BMPR1B: variants seen among roughly 807,000 people sequenced by gnomAD.
BMPR1B encodes the protein bone morphogenetic protein receptor type 1B.
In BMPR1B, 12 loss-of-function variants were observed where a neutral mutation model predicts 59.1. That is an observed-to-expected ratio of 0.20 (90% CI 0.13 to 0.33). BMPR1B has a LOEUF of 0.33. Ranked by LOEUF, BMPR1B falls within the 10% of genes least tolerant of loss-of-function variation. The pLI, the probability that BMPR1B is intolerant of heterozygous loss-of-function variation, is 1.00. For missense variants in BMPR1B, 550 were observed against 610.9 expected (o/e 0.90, Z 1.05); for synonymous variants, 237 against 207.3 (o/e 1.14, Z -1.23).
chr4:95,051,211 T>C (rs1188728602), intron 3 of BMPR1B, among the ~76,000 whole-genome samples: 1 of 152,238 alleles, frequency 6.6e-6, no homozygotes, highest in Non-Finnish European at 1.5e-5. Context: ...GGCATTTCAC[T>C]AAGTAAAAAC....
intron 3 of BMPR1B, among the ~76,000 whole-genome samples, chr4:95,047,802 C>A (rs949113461): frequency 1.3e-5 from 2 of 152,054 alleles, no homozygotes; most frequent in East Asian, 3.9e-4. Flanking sequence ...AAAATAATTT[C>A]AACTTTTATT....
chr4:94,806,383 TTAAAC>T (rs1578665118), intron 1 of BMPR1B, among the ~76,000 whole-genome samples: 1 of 152,236 alleles, frequency 6.6e-6, no homozygotes, highest in Admixed American at 6.5e-5. Flanking sequence ...TAGCAGATTA[TTAAAC>T]TAAACAGTCT....
At chr4:95,107,768 G>A (rs13131684) in intron 4 of BMPR1B, among the ~76,000 whole-genome samples, 39,747 of 151,950 alleles carry the variant, frequency 0.26, 6,216 homozygotes, top group South Asian at 0.37. Context: ...TTGGCCAGCG[G>A]CCAGTTCTGA....
At chr4:94,761,453 GTGTGT>G (rs1255198884) in intron 1 of BMPR1B, among the ~76,000 whole-genome samples, 1 of 144,392 alleles carries the variant, frequency 6.9e-6, no homozygotes, top group Non-Finnish European at 1.6e-5. Flanking sequence ...GTGTGTGTGT[GTGTGT>G]GTGTTGAAGG....
chr4:94,874,409 C>T (rs1726633619), intron 1 of BMPR1B, among the ~76,000 whole-genome samples: 1 of 152,166 alleles, frequency 6.6e-6, no homozygotes, highest in Non-Finnish European at 1.5e-5. Context: ...TTGACTACCA[C>T]AGCCATACTG....
chr4:94,896,490 A>C (rs893336030), intron 2 of BMPR1B, among the ~76,000 whole-genome samples: 2 of 151,940 alleles, frequency 1.3e-5, no homozygotes, highest in African/African-American at 2.4e-5. Context: ...TTAATTATGT[A>C]ATTTCTTTGA....
At chr4:95,062,880 C>T (rs1048007720) in intron 3 of BMPR1B, among the ~76,000 whole-genome samples, 2 of 152,144 alleles carry the variant, frequency 1.3e-5, no homozygotes, top group African/African-American at 4.8e-5. Flanking sequence ...TCTTCAGTAA[C>T]TGTAAATACT....
intron 3 of BMPR1B, among the ~76,000 whole-genome samples, chr4:95,074,568 C>T (rs1728561769): frequency 6.6e-6 from 1 of 152,064 alleles, no homozygotes; most frequent in South Asian, 2.1e-4. Context: ...CCCCAAGGCC[C>T]TGTCCTACCA....
At chr4:95,034,200 A>G (rs1378846624) in intron 3 of BMPR1B, among the ~76,000 whole-genome samples, 2 of 152,300 alleles carry the variant, frequency 1.3e-5, no homozygotes, top group East Asian at 1.9e-4. Context: ...AGCTTAGCAT[A>G]TATACACACT....
chr4:94,856,498 A>G (rs1725760056), intron 1 of BMPR1B, among the ~76,000 whole-genome samples: 1 of 152,190 alleles, frequency 6.6e-6, no homozygotes, highest in Non-Finnish European at 1.5e-5. Context: ...CAGAGAACTC[A>G]ATGGTAGGCA....
At chr4:95,152,579 G>T in intron 11 of BMPR1B, 64 bp from the exon 12 acceptor site, 1 of 1,410,646 alleles carries the variant, frequency 7.1e-7, no homozygotes, top group South Asian at 1.4e-5. Context: ...AACTGTGTTA[G>T]ACTTTTATTT....
intron 2 of BMPR1B, among the ~76,000 whole-genome samples, chr4:94,908,077 A>G (rs1197529485): frequency 6.9e-5 from 9 of 129,764 alleles, no homozygotes; most frequent in African/African-American, 3.2e-4. Flanking sequence ...AAAAAAAAAA[A>G]AAAAAAAAAA....
intron 2 of BMPR1B, among the ~76,000 whole-genome samples, chr4:94,898,655 A>T (rs1197942513): frequency 6.6e-6 from 1 of 152,000 alleles, no homozygotes; most frequent in Non-Finnish European, 1.5e-5. Flanking sequence ...TTTCTTTGTA[A>T]ATTACCCAGT....
At chr4:95,092,032 C>A (rs1730030413) in intron 3 of BMPR1B, among the ~76,000 whole-genome samples, 1 of 151,940 alleles carries the variant, frequency 6.6e-6, no homozygotes, top group Non-Finnish European at 1.5e-5. Flanking sequence ...GTTGTGAATT[C>A]TTTTACTATT....
At chr4:94,760,245 A>G (rs1406827853) in intron 1 of BMPR1B, among the ~76,000 whole-genome samples, 4 of 152,154 alleles carry the variant, frequency 2.6e-5, no homozygotes, top group African/African-American at 9.7e-5. Flanking sequence ...AGTCTAGGCT[A>G]GGTTGTCTGA....
intron 3 of BMPR1B, among the ~76,000 whole-genome samples, chr4:95,073,126 A>G (rs970479531): frequency 6.6e-6 from 1 of 152,222 alleles, no homozygotes; most frequent in African/African-American, 2.4e-5. Context: ...ATTGCTAGAA[A>G]TAGCAAACAT....
intron 1 of BMPR1B, among the ~76,000 whole-genome samples, chr4:94,791,282 T>A (rs1368718731): frequency 1.3e-5 from 2 of 152,138 alleles, no homozygotes; most frequent in African/African-American, 4.8e-5. Context: ...AGCCAACCCG[T>A]CCAGCCACCA....
intron 2 of BMPR1B, among the ~76,000 whole-genome samples, chr4:94,988,868 A>G (rs199605297): frequency 0.01 from 1,553 of 150,892 alleles, 30 homozygotes; most frequent in African/African-American, 0.035. Context: ...TTTTTTTGGG[A>G]AAAGAAAAGG....
chr4:94,914,971 G>C (rs1728427835), intron 2 of BMPR1B, among the ~76,000 whole-genome samples: 1 of 152,112 alleles, frequency 6.6e-6, no homozygotes, highest in African/African-American at 2.4e-5. Flanking sequence ...TAATAAAGCT[G>C]ATGATCACGC....
Sources: allele counts gnomAD v4.1 joint callset (sites outside exome capture counted in the v4.1 genomes callset), GRCh38; gene constraint gnomAD v4.1.1; transcripts MANE v1.5; gene names NCBI Gene and HGNC (gene_info 2026-07-23, HGNC 2026-07-21).